The following EHMT1 variants were observed in gnomAD, a reference collection of about 807,000 sequenced individuals.
The protein encoded by EHMT1 is euchromatic histone lysine methyltransferase 1.
Under a neutral mutation model 147.2 loss-of-function variants are expected in EHMT1, and 15 were observed. The observed-to-expected ratio is 0.10, with a 90% CI of 0.07 to 0.16. EHMT1 has a LOEUF of 0.16. EHMT1 is among the 10% of genes least tolerant of loss of function. EHMT1 has a pLI of 1.00. For synonymous variants in EHMT1, 795 were observed against 709.6 expected (o/e 1.12, Z -1.91); for missense variants, 1,587 against 1,772.4 (o/e 0.90, Z 1.88).
At chr9:137,754,355 C>T (rs945697532) in intron 8 of EHMT1, 64 bp downstream of exon 8, 6 of 1,604,520 alleles carry the variant, frequency 3.7e-6, no homozygotes, top group African/African-American at 1.3e-5. Flanking sequence ...GCCAGGAGGC[C>T]CACCTGGGGT....
rs778156208 is a variant in EHMT1 at position 137,782,929 on chromosome 9, C to T, written c.2382+532C>T. Among the ~76,000 whole-genome samples the T allele has an allele frequency of 1.1e-4, 16 of 152,202 alleles. No homozygotes were observed. Among genetic ancestry groups the T allele is most frequent in the African/African-American group, 3.4e-4 (14 of 41,450 alleles). On this transcript the variant is annotated intron_variant, in intron 15 of 26. Transcript: ENST00000460843. The surrounding 1 kb of genome is among the most constrained non-coding windows in gnomAD (Gnocchi z 5.7). Reference sequence around the variant, plus strand: ...CTTGTCTCTGGGTTCAGACACACGACGCTGTTTGTCCCCCTGTGACGCCCC... The same window carrying T: ...CTTGTCTCTGGGTTCAGACACACGATGCTGTTTGTCCCCCTGTGACGCCCC...
intron 6 of EHMT1, among the ~76,000 whole-genome samples, chr9:137,751,222 GAC>G (rs1269997624): frequency 5.3e-5 from 8 of 152,170 alleles, no homozygotes; most frequent in African/African-American, 1.9e-4. Context: ...TCTAGTGTAA[GAC>G]ACAAACCTGG....
At chr9:137,665,495 C>G (rs889534955) in intron 1 of EHMT1, among the ~76,000 whole-genome samples, 8 of 152,132 alleles carry the variant, frequency 5.3e-5, no homozygotes, top group African/African-American at 1.9e-4. Flanking sequence ...GTGCGCATTG[C>G]GAGCTGGTGT....
chr9:137,810,720 CAG>C (rs1434345060), intron 18 of EHMT1, among the ~76,000 whole-genome samples: 3 of 149,366 alleles, frequency 2.0e-5, no homozygotes, highest in Non-Finnish European at 3.0e-5. Context: ...TTTTTTGAGA[CAG>C]AGTTTCGCTC....
At chr9:137,788,474 G>C (rs1952186831) in intron 15 of EHMT1, 1 of 170,826 alleles carries the variant, frequency 5.9e-6, no homozygotes, top group Admixed American at 6.1e-5. Context: ...GCAGGTGTAG[G>C]GAGATTGCAG....
chr9:137,776,002 G>A lies in EHMT1; in HGVS notation c.1792-616G>A, dbSNP rs903610079. On this transcript the variant is annotated intron_variant, in intron 11 of 26. Transcript: ENST00000460843. The surrounding 1 kb of genome is among the most constrained non-coding windows in gnomAD (Gnocchi z 4.4). ...GTGTGAGCTTCAGGCACCCAGAGAT[G>A]CCCTGCTGCCCCTTTACGAACATGG... is the stretch of plus-strand genomic sequence containing the variant. Among the ~76,000 whole-genome samples the A allele has an allele frequency of 6.6e-6, 1 of 152,108 alleles. No homozygotes were observed. Among genetic ancestry groups the A allele is most frequent in the Non-Finnish European group, 1.5e-5 (1 of 68,016 alleles).
chr9:137,815,765 A>G, intron 22 of EHMT1, 182 bp from the exon 23 acceptor site: 1 of 654,960 alleles, frequency 1.5e-6, no homozygotes, highest in South Asian at 1.6e-5. Flanking sequence ...ATCTGGGTGG[A>G]GGCTTCTCAT....
At chr9:137,743,097 C>T (rs1402462483) in intron 4 of EHMT1, 5 of 431,258 alleles carry the variant, frequency 1.2e-5, no homozygotes, top group South Asian at 1.1e-4. Flanking sequence ...TTCCTGCCTC[C>T]AAGGTGGGGT....
intron 9 of EHMT1, 130 bp from the exon 10 acceptor site, chr9:137,762,545 C>T (rs1949908950): frequency 6.7e-7 from 1 of 1,499,420 alleles, no homozygotes; most frequent in Non-Finnish European, 9.0e-7. Context: ...GCTGTTTGTG[C>T]TGGGTAATCA....
At chr9:137,780,990 T>C (rs201795250) in intron 14 of EHMT1, among the ~76,000 whole-genome samples, 1,132 of 12,226 alleles carry the variant, frequency 0.093, 25 homozygotes, top group Non-Finnish European at 0.32. Context: ...GACGCTGGGA[T>C]GTGTGGTGAT....
chr9:137,834,041 C>G, intron 25 of EHMT1: 1 of 472,576 alleles, frequency 2.1e-6, no homozygotes, highest in Non-Finnish European at 3.9e-6. Flanking sequence ...TGGGATGGCG[C>G]TGTCCACATT....
intron 4 of EHMT1, 70 bp downstream of exon 4, chr9:137,728,599 A>G: frequency 6.2e-7 from 1 of 1,604,884 alleles, no homozygotes; most frequent in Non-Finnish European, 8.5e-7. Context: ...GCCAGGTGAG[A>G]GTTCTGTTTG....
chr9:137,636,622 C>G (rs1408716902), intron 1 of EHMT1, among the ~76,000 whole-genome samples: 1 of 151,978 alleles, frequency 6.6e-6, no homozygotes, highest in East Asian at 1.9e-4. Context: ...TGGATTTTGT[C>G]AAATGTTTGT....
intron 18 of EHMT1, chr9:137,802,395 G>T: frequency 2.5e-6 from 1 of 398,696 alleles, no homozygotes; most frequent in Non-Finnish European, 4.4e-6. Context: ...ACAGAGCTGT[G>T]TCTGCCTTCA....
intron 13 of EHMT1, among the ~76,000 whole-genome samples, chr9:137,778,367 G>A (rs928823638): frequency 9.8e-5 from 15 of 152,330 alleles, no homozygotes; most frequent in Admixed American, 3.3e-4. Flanking sequence ...CACTGCTTCT[G>A]CTGCCTTGAC....
intron 1 of EHMT1, among the ~76,000 whole-genome samples, chr9:137,624,535 C>T (rs1045825913): frequency 6.6e-6 from 1 of 152,052 alleles, no homozygotes; most frequent in African/African-American, 2.4e-5. Flanking sequence ...AGGCAGGTCT[C>T]GAACTCCTGA....
At chr9:137,643,607 C>A (rs945846463) in intron 1 of EHMT1, among the ~76,000 whole-genome samples, 5 of 152,096 alleles carry the variant, frequency 3.3e-5, no homozygotes, top group Admixed American at 6.5e-5. Flanking sequence ...CTTGGCCTCC[C>A]AAAGTGCTGG....
chr9:137,619,088 C>G (rs1334520343), intron 1 of EHMT1, 39 bp downstream of exon 1: 1 of 696,142 alleles, frequency 1.4e-6, no homozygotes, highest in Non-Finnish European at 1.8e-6. Flanking sequence ...GCGGGGGCGG[C>G]GGGCAGCGGC....
At chr9:137,640,621 C>G (rs1277575050) in intron 1 of EHMT1, among the ~76,000 whole-genome samples, 2 of 152,190 alleles carry the variant, frequency 1.3e-5, no homozygotes, top group African/African-American at 4.8e-5. Flanking sequence ...TACATGTTTT[C>G]TCTGAGCCCA....
Sources: gnomAD v4.1 joint callset for allele counts (sites outside exome capture counted in the v4.1 genomes callset) on GRCh38, gnomAD v4.1.1 for gene constraint, Gnocchi (gnomAD v3.1) non-coding constraint, MANE v1.5 for transcripts, NCBI Gene and HGNC (gene_info 2026-07-23, HGNC 2026-07-21) for gene names.